The following GPATCH8 variants were observed in gnomAD, a reference collection of about 807,000 sequenced individuals.
GPATCH8 encodes the protein G patch domain-containing protein 8.
Under a neutral mutation model 118.3 loss-of-function variants are expected in GPATCH8, and 18 were observed. The ratio of observed to expected loss-of-function variants is 0.15; its 90% CI spans 0.11 to 0.23. GPATCH8 has a LOEUF of 0.23. Ranked by LOEUF, GPATCH8 falls within the 10% of genes least tolerant of loss-of-function variation. The pLI, the probability that GPATCH8 is intolerant of heterozygous loss-of-function variation, is 1.00. For synonymous variants in GPATCH8, 659 were observed against 684.7 expected, an observed-to-expected ratio of 0.96 and a Z score of 0.59; for missense variants, 1,631 against 1,873.8, an observed-to-expected ratio of 0.87 and a Z score of 2.39.
chr17:44,400,094 GCTT>G lies in GPATCH8; in HGVS notation c.1980_1982del (p.Arg660del), dbSNP rs1567932063. ...CAGATCGTTCTTTCTTGCTGGGAAG[GCTT>G]CTCCCTGTGTCTTCTGTCTCAGACC... is the stretch of plus-strand genomic sequence containing the variant. On this transcript the variant is annotated inframe_deletion, in exon 8 of 8. Transcript: ENST00000591680. The G allele has an allele frequency of 1.9e-6, 3 of 1,613,826 alleles. No individual in the cohort carries two copies. Among genetic ancestry groups the G allele is most frequent in the Middle Eastern group, 1.6e-4 (1 of 6,062 alleles).
intron 3 of GPATCH8, among the ~76,000 whole-genome samples, chr17:44,442,270 T>C (rs1018012480): frequency 2.1e-5 from 3 of 144,672 alleles, no homozygotes; most frequent in Admixed American, 1.4e-4. Context: ...TACCAATAAA[T>C]AGGCAAAATA....
At chr17:44,503,176 G>C (rs1202188012) in intron 1 of GPATCH8, 150 bp downstream of exon 1, 4 of 723,760 alleles carry the variant, frequency 5.5e-6, no homozygotes. Context: ...CAAGCCGGGA[G>C]GCCTCTTGAG....
rs961521263 is a variant in GPATCH8, at chr17:44,477,799, C to T, written c.46-2896G>A. Among the ~76,000 whole-genome samples, 22 of 151,758 alleles carry T rather than the reference C, an allele frequency of 1.4e-4. 1 individual carries two copies. Among genetic ancestry groups the T allele is most frequent in the Admixed American group, 1.2e-3 (18 of 15,226 alleles). On this transcript the variant is annotated intron_variant, in intron 1 of 7. Transcript: ENST00000591680. ...TAAAAAATTAAAAACAGCTATTAAT[C>T]CTGAAAGTCTTTTTGTTTTGTTTTG...
chr17:44,479,301 A>G (rs1201931107), intron 1 of GPATCH8, among the ~76,000 whole-genome samples: 1 of 152,250 alleles, frequency 6.6e-6, no homozygotes, highest in Non-Finnish European at 1.5e-5. Flanking sequence ...GTAGATTACA[A>G]ACTACTGTCA....
intron 5 of GPATCH8, among the ~76,000 whole-genome samples, chr17:44,426,045 T>G (rs951911777): frequency 3.3e-5 from 5 of 152,074 alleles, no homozygotes; most frequent in African/African-American, 1.2e-4. Flanking sequence ...ATGAGGGAAA[T>G]GTAGTAGAAG....
intron 6 of GPATCH8, among the ~76,000 whole-genome samples, chr17:44,412,543 C>T (rs989773767): frequency 2.6e-5 from 4 of 151,946 alleles, no homozygotes; most frequent in African/African-American, 7.3e-5. Context: ...CATGCCACCA[C>T]ACCCGGCTAT....
chr17:44,433,623 T>G (rs908822486), intron 5 of GPATCH8, among the ~76,000 whole-genome samples: 1 of 152,148 alleles, frequency 6.6e-6, no homozygotes, highest in Non-Finnish European at 1.5e-5. Flanking sequence ...AAGTGAAAGA[T>G]GATGAAACAT....
intron 6 of GPATCH8, among the ~76,000 whole-genome samples, chr17:44,406,506 G>GA (rs1555622836): frequency 1.4e-5 from 1 of 69,312 alleles, no homozygotes; most frequent in Non-Finnish European, 3.2e-5. Flanking sequence ...TGGGGGGGGG[G>GA]GGTTATTTAA....
intron 6 of GPATCH8, among the ~76,000 whole-genome samples, chr17:44,416,388 G>A (rs1477768568): frequency 6.6e-6 from 1 of 152,086 alleles, no homozygotes; most frequent in African/African-American, 2.4e-5. Context: ...TAAGCAGAGG[G>A]GAATGAATAC....
intron 3 of GPATCH8, among the ~76,000 whole-genome samples, chr17:44,455,449 G>A (rs2051293306): frequency 6.6e-6 from 1 of 151,516 alleles, no homozygotes; most frequent in Non-Finnish European, 1.5e-5. Context: ...GCGGTGAGCC[G>A]AGATCGCGTC....
chr17:44,464,381 CT>C, intron 3 of GPATCH8, 90 bp downstream of exon 3: 1 of 858,730 alleles, frequency 1.2e-6, no homozygotes. Context: ...AACCCAAGTA[CT>C]TTTTTAAAAA....
At position 44,503,317 on chromosome 17, in the gene GPATCH8, C is replaced by G; in HGVS notation, c.45+9G>C. The G allele has an allele frequency of 1.2e-6, 2 of 1,608,814 alleles. No homozygotes were observed. The highest frequency in any genetic ancestry group is 1.7e-6 in the Non-Finnish European group (2 of 1,177,660). Reference sequence around the variant, plus strand: ...CCTTCCCCGCATCCTCGGCGACGCCCGTGTTTACCTGAAAGTCTCGGTCTT... The same window carrying G: ...CCTTCCCCGCATCCTCGGCGACGCCGGTGTTTACCTGAAAGTCTCGGTCTT... On this transcript the variant is annotated intron_variant, in intron 1 of 7. Transcript: ENST00000591680.
At chr17:44,485,320 C>T (rs555770355) in intron 1 of GPATCH8, among the ~76,000 whole-genome samples, 58 of 152,228 alleles carry the variant, frequency 3.8e-4, no homozygotes, top group Non-Finnish European at 7.6e-4. Context: ...TTGCCATGTT[C>T]CCAGCATGGT....
intron 6 of GPATCH8, among the ~76,000 whole-genome samples, chr17:44,423,904 T>C (rs113452537): frequency 0.012 from 1,810 of 152,254 alleles, 41 homozygotes; most frequent in African/African-American, 0.041. Context: ...CCAAGGTATA[T>C]TGAATAGCAA....
In GPATCH8 at chr17:44,397,796, A is replaced by G; in HGVS notation, c.4281T>C (p.Pro1427=). The change falls in exon 8 of 8, where the codon CCT becomes CCC. Residue 1427 remains proline, a synonymous_variant. Coordinates refer to ENST00000591680, the MANE Select transcript of GPATCH8 (RefSeq NM_001002909.4). ...TAGCGAGAAAGGTGGCAGGGTGGCCAGGGATGATTGAGTGAGTGAGGTGGG... is the reference window on the plus strand; with the variant it reads ...TAGCGAGAAAGGTGGCAGGGTGGCCGGGGATGATTGAGTGAGTGAGGTGGG... ...SLSHLTHSII[P]GHPATFLASH... 6.3e-7 allele frequency: 1 copy of G among 1,585,356 alleles called. No homozygotes were observed. Among genetic ancestry groups the G allele is most frequent in the Non-Finnish European group, 8.6e-7 (1 of 1,163,542 alleles).
At chr17:44,501,284 G>A (rs1478181122) in intron 1 of GPATCH8, among the ~76,000 whole-genome samples, 1 of 152,048 alleles carries the variant, frequency 6.6e-6, no homozygotes. Context: ...GGGTATGGTG[G>A]CGGGTGCCTG....
chr17:44,498,060 T>C (rs752403948), intron 1 of GPATCH8, among the ~76,000 whole-genome samples: 45 of 152,230 alleles, frequency 3.0e-4, no homozygotes, highest in Non-Finnish European at 5.3e-4. Flanking sequence ...ACAATCAGGA[T>C]AGCTTATTAC....
At chr17:44,451,779 T>A (rs555575257) in intron 3 of GPATCH8, among the ~76,000 whole-genome samples, 1 of 152,306 alleles carries the variant, frequency 6.6e-6, no homozygotes, top group African/African-American at 2.4e-5. Flanking sequence ...CGAGAATATA[T>A]CACATTCAGA....
intron 1 of GPATCH8, among the ~76,000 whole-genome samples, chr17:44,495,369 T>C (rs1300823980): frequency 1.3e-5 from 2 of 152,106 alleles, no homozygotes; most frequent in African/African-American, 4.8e-5. Context: ...TGTCCAATCA[T>C]CCCACTTTAA....
Sources: gnomAD v4.1 joint callset for allele counts (sites outside exome capture counted in the v4.1 genomes callset) on GRCh38, gnomAD v4.1.1 for gene constraint, MANE v1.5 for transcripts, NCBI Gene and HGNC (gene_info 2026-07-23, HGNC 2026-07-21) for gene names.